Variants in IQCJ observed in about 807,000 individuals in gnomAD.
The protein encoded by IQCJ is IQ domain-containing protein J.
IQCJ carries 9 observed loss-of-function variants against 11.0 expected under a neutral mutation model. That is an observed-to-expected ratio of 0.82 (90% CI 0.49 to 1.43). The LOEUF is 1.43. IQCJ is among the 40% of genes most tolerant of loss of function. IQCJ has a pLI of 0.00. For synonymous variants in IQCJ, 55 were observed against 51.3 expected, an observed-to-expected ratio of 1.07 and a Z score of -0.31; for missense variants, 146 against 133.2, an observed-to-expected ratio of 1.10 and a Z score of -0.47.
chr3:159,102,203 C>T (rs755801395), intron 1 of IQCJ, among the ~76,000 whole-genome samples: 14 of 152,186 alleles, frequency 9.2e-5, no homozygotes, highest in Non-Finnish European at 1.6e-4. Context: ...AAAGTCTGTA[C>T]TCTAATCTGA....
At chr3:159,111,979 A>G (rs1718662863) in intron 1 of IQCJ, among the ~76,000 whole-genome samples, 1 of 152,168 alleles carries the variant, frequency 6.6e-6, no homozygotes. Context: ...TCTGAAAGCT[A>G]ATCATATAAC....
chr3:159,106,999 G>T (rs1718303819), intron 1 of IQCJ, among the ~76,000 whole-genome samples: 2 of 152,130 alleles, frequency 1.3e-5, no homozygotes, highest in South Asian at 4.2e-4. Flanking sequence ...TTACTTTTGT[G>T]AAGTCAAATA....
At chr3:159,195,183 G>A (rs542803033) in intron 1 of IQCJ, among the ~76,000 whole-genome samples, 15 of 152,000 alleles carry the variant, frequency 9.9e-5, no homozygotes, top group African/African-American at 3.6e-4. Flanking sequence ...AACCTCATTT[G>A]TACTCCTTGA....
Position 159,143,976 on chromosome 3 carries a change from A to G in IQCJ, c.9+74535A>G, listed in dbSNP as rs923262405. ...GAGGGGTTCAATGTTGTATCTTCAC[A>G]TGGTGGAAGGCAAAAGGGACAAAGC... On this transcript the variant is annotated intron_variant, in intron 1 of 3. Transcript: ENST00000397832. Among the ~76,000 whole-genome samples the G allele has an allele frequency of 1.4e-4, 22 of 152,182 alleles. 1 individual carries two copies. Among genetic ancestry groups the G allele is most frequent in the African/African-American group, 5.1e-4 (21 of 41,446 alleles).
At chr3:159,255,202 C>T (rs1179218146) in intron 3 of IQCJ, among the ~76,000 whole-genome samples, 2 of 152,148 alleles carry the variant, frequency 1.3e-5, no homozygotes, top group Non-Finnish European at 2.9e-5. Context: ...TCTATCTTCT[C>T]CTGGGGGTGG....
intron 1 of IQCJ, among the ~76,000 whole-genome samples, chr3:159,124,794 G>A (rs1719577965): frequency 6.6e-6 from 1 of 152,194 alleles, no homozygotes; most frequent in Non-Finnish European, 1.5e-5. Flanking sequence ...ATGAATAAAT[G>A]TATGAATGAC....
chr3:159,253,053 T>G (rs1214181630), intron 3 of IQCJ, among the ~76,000 whole-genome samples: 1 of 152,178 alleles, frequency 6.6e-6, no homozygotes, highest in Non-Finnish European at 1.5e-5. Flanking sequence ...ATTTCTTGTC[T>G]AGTACAATCC....
At chr3:159,117,525 A>C (rs1479376505) in intron 1 of IQCJ, among the ~76,000 whole-genome samples, 5 of 152,156 alleles carry the variant, frequency 3.3e-5, no homozygotes, top group Non-Finnish European at 7.3e-5. Context: ...TATGCTAGGA[A>C]CTCCAGGCAT....
chr3:159,103,008 GT>G (rs1718026773), intron 1 of IQCJ, among the ~76,000 whole-genome samples: 1 of 152,134 alleles, frequency 6.6e-6, no homozygotes, highest in Non-Finnish European at 1.5e-5. Context: ...TCAAATCAAA[GT>G]GCATTTTCAA....
chr3:159,129,606 A>G (rs1416239766), intron 1 of IQCJ, among the ~76,000 whole-genome samples: 1 of 152,162 alleles, frequency 6.6e-6, no homozygotes, highest in African/African-American at 2.4e-5. Context: ...TTCAGGGGAG[A>G]GGAATGAGAA....
intron 1 of IQCJ, among the ~76,000 whole-genome samples, chr3:159,238,640 C>T (rs1223540814): frequency 6.6e-6 from 1 of 152,090 alleles, no homozygotes; most frequent in Non-Finnish European, 1.5e-5. Context: ...CCAGAGGTTG[C>T]TGAGGAAGGA....
rs10561081 is a variant in IQCJ at position 159,144,661 on chromosome 3, G to GAC, written c.9+75248_9+75249dup. ...AGACGTACACACACATACACACACAGACACACACACACACACACACACACA... is the reference window on the plus strand; with the variant it reads ...AGACGTACACACACATACACACACAGACACACACACACACACACACACACACA... On this transcript the variant is annotated intron_variant, in intron 1 of 3. Transcript: ENST00000397832. Among the ~76,000 whole-genome samples the GAC allele has an allele frequency of 1.5e-3, 230 of 150,330 alleles. 1 individual carries two copies. Among genetic ancestry groups the GAC allele is most frequent in the African/African-American group, 5.1e-3 (207 of 40,984 alleles).
chr3:159,255,605 G>GA (rs1727852807), intron 3 of IQCJ, among the ~76,000 whole-genome samples: 3 of 152,198 alleles, frequency 2.0e-5, no homozygotes, highest in African/African-American at 7.2e-5. Flanking sequence ...GTGGCTCAGT[G>GA]AAAAAATGTG....
intron 1 of IQCJ, among the ~76,000 whole-genome samples, chr3:159,189,522 G>T (rs1723561427): frequency 6.6e-6 from 1 of 152,190 alleles, no homozygotes; most frequent in African/African-American, 2.4e-5. Context: ...ACTAGAGGGA[G>T]ATGGTGACAG....
chr3:159,131,122 T>C (rs1056206020), intron 1 of IQCJ, among the ~76,000 whole-genome samples: 17 of 152,312 alleles, frequency 1.1e-4, no homozygotes, highest in Middle Eastern at 6.8e-3. Context: ...AATGAGCACA[T>C]ACCTGGAGGT....
intron 1 of IQCJ, among the ~76,000 whole-genome samples, chr3:159,134,758 T>A (rs891577256): frequency 2.6e-5 from 4 of 152,198 alleles, no homozygotes; most frequent in African/African-American, 7.2e-5. Context: ...CTGTACTGTG[T>A]TCCATTCCCT....
Position 159,188,433 on chromosome 3 carries a change from C to A in IQCJ, c.10-57410C>A, listed in dbSNP as rs556586485. Reference sequence around the variant, plus strand: ...CTCAAAACAAAAACAAAAACAACAACAAAAAACAAAAAAACAACAAAAATT... The same window carrying A: ...CTCAAAACAAAAACAAAAACAACAAAAAAAAACAAAAAAACAACAAAAATT... On this transcript the variant is annotated intron_variant, in intron 1 of 3. Coordinates refer to ENST00000397832, the MANE Select transcript of IQCJ (RefSeq NM_001042706.3). Among the ~76,000 whole-genome samples the A allele has an allele frequency of 3.3e-5, 5 of 151,976 alleles. No individual in the cohort carries two copies. In the East Asian group the frequency reaches 9.7e-4, roughly 29 times the overall value.
intron 1 of IQCJ, among the ~76,000 whole-genome samples, chr3:159,162,466 G>A (rs569964887): frequency 6.6e-6 from 1 of 152,286 alleles, no homozygotes; most frequent in East Asian, 1.9e-4. Context: ...ATACAATCAT[G>A]TCATCTGCAA....
At chr3:159,069,975 C>A in intron 1 of IQCJ, 1 of 252,714 alleles carries the variant, frequency 4.0e-6, no homozygotes, top group Non-Finnish European at 8.1e-6. Flanking sequence ...CCCCATGTTA[C>A]CTGCCTTCTT....
Sources: gnomAD v4.1 joint callset for allele counts (sites outside exome capture counted in the v4.1 genomes callset) on GRCh38, gnomAD v4.1.1 for gene constraint, MANE v1.5 for transcripts, NCBI Gene and HGNC (gene_info 2026-07-23, HGNC 2026-07-21) for gene names.